Variants in LIMCH1 observed in about 807,000 individuals in gnomAD.
LIMCH1 encodes LIM and calponin homology domains 1.
In LIMCH1, 113 loss-of-function variants were observed where a neutral mutation model predicts 176.5. The ratio of observed to expected loss-of-function variants is 0.64; its 90% CI spans 0.55 to 0.75. The LOEUF (loss-of-function observed/expected upper bound fraction) is 0.75. Ranked by LOEUF, LIMCH1 falls within the 30% of genes least tolerant of loss-of-function variation. The pLI, the probability that LIMCH1 is intolerant of heterozygous loss-of-function variation, is 0.00. For synonymous variants in LIMCH1, 619 were observed against 645.9 expected (o/e 0.96, Z 0.63); for missense variants, 1,674 against 1,814.9 (o/e 0.92, Z 1.41).
At chr4:41,690,218 T>C (rs1724406808) in intron 30 of LIMCH1, among the ~76,000 whole-genome samples, 1 of 152,228 alleles carries the variant, frequency 6.6e-6, no homozygotes, top group Non-Finnish European at 1.5e-5. Context: ...TATTGGATTA[T>C]TTAAATATTA....
intron 22 of LIMCH1, among the ~76,000 whole-genome samples, chr4:41,672,878 C>G (rs2095097930): frequency 6.6e-6 from 1 of 152,204 alleles, no homozygotes; most frequent in Non-Finnish European, 1.5e-5. Flanking sequence ...TATAACTTCT[C>G]TGACCCTCAT....
Position 41,613,517 on chromosome 4 carries a change from A to G in LIMCH1, c.61A>G (p.Ile21Val), listed in dbSNP as rs750479892. The G allele has an allele frequency of 3.7e-6, 6 of 1,614,080 alleles. No individual in the cohort carries two copies. Among genetic ancestry groups the G allele is most frequent in the Middle Eastern group, 1.6e-4 (1 of 6,062 alleles). ...PKRSIRDSGYIDCWDSERSDS... is the reference protein window; with the variant it reads ...PKRSIRDSGYVDCWDSERSDS... ...ACGCAGTATCCGAGACAGTGGCTAC[A>G]TCGACTGCTGGGATTCCGAGCGCAG... Residue 21 changes from isoleucine (I) to valine (V), a missense_variant, in exon 5 of 32, where the codon ATC (isoleucine) becomes GTC (valine). By Grantham distance (29) the Ile-to-Val change is conservative (BLOSUM62 3). This residue lies in a region of LIMCH1 where 655 missense variants were observed against 692.2 expected (regional missense o/e 0.95). Coordinates refer to ENST00000503057, the MANE Select transcript of LIMCH1 (RefSeq NM_001330672.2).
At chr4:41,640,601 A>T (rs986879384) in intron 14 of LIMCH1, among the ~76,000 whole-genome samples, 7 of 152,232 alleles carry the variant, frequency 4.6e-5, no homozygotes, top group African/African-American at 1.4e-4. Flanking sequence ...CAAAGTGCTG[A>T]GTTTCCTGCT....
intron 17 of LIMCH1, 122 bp downstream of exon 17, chr4:41,647,015 T>C: frequency 1.1e-6 from 1 of 943,996 alleles, no homozygotes; most frequent in East Asian, 2.5e-5. Flanking sequence ...TGTTGACATT[T>C]ACAGCTGTGA....
intron 1 of LIMCH1, among the ~76,000 whole-genome samples, chr4:41,540,381 A>T (rs1372100446): frequency 3.9e-5 from 6 of 152,212 alleles, no homozygotes; most frequent in African/African-American, 7.2e-5. Context: ...ATATTTCCCT[A>T]AAATCATGAT....
chr4:41,545,115 T>C (rs1327252294), intron 1 of LIMCH1, among the ~76,000 whole-genome samples: 1 of 152,226 alleles, frequency 6.6e-6, no homozygotes, highest in Non-Finnish European at 1.5e-5. Flanking sequence ...ACAGATTCTG[T>C]TCTTTGTACT....
chr4:41,650,751 A>G, intron 18 of LIMCH1, 143 bp downstream of exon 18: 1 of 703,480 alleles, frequency 1.4e-6, no homozygotes, highest in Non-Finnish European at 2.3e-6. Context: ...AAGTACCACA[A>G]ACTCAGTGGC....
At chr4:41,411,645 A>G (rs772487281) in intron 1 of LIMCH1, among the ~76,000 whole-genome samples, 13 of 150,998 alleles carry the variant, frequency 8.6e-5, no homozygotes, top group Non-Finnish European at 1.6e-4. Context: ...CCATCTGCCA[A>G]TGGACTCAGC....
At chr4:41,537,251 TTG>T (rs1047734965), upstream of LIMCH1, among the ~76,000 whole-genome samples, 1 of 152,204 alleles carries the variant, frequency 6.6e-6, no homozygotes, top group African/African-American at 2.4e-5. Context: ...GTTGTAAACA[TTG>T]TGTTTTATAG....
At chr4:41,470,508 A>T (rs1451255220) in intron 1 of LIMCH1, among the ~76,000 whole-genome samples, 1 of 151,996 alleles carries the variant, frequency 6.6e-6, no homozygotes, top group East Asian at 1.9e-4. Flanking sequence ...ATCTCCAGCT[A>T]CTTCTTTTCT....
At chr4:41,363,054 G>A (rs1186537443) in intron 1 of LIMCH1, among the ~76,000 whole-genome samples, 1 of 152,166 alleles carries the variant, frequency 6.6e-6, no homozygotes, top group East Asian at 1.9e-4. Flanking sequence ...TTCAGGGAAA[G>A]GAGAGCTTCC....
intron 1 of LIMCH1, among the ~76,000 whole-genome samples, chr4:41,375,867 A>C (rs1443607429): frequency 6.6e-6 from 1 of 152,248 alleles, no homozygotes; most frequent in Non-Finnish European, 1.5e-5. Flanking sequence ...TTGAAAGCTC[A>C]CAGGTTACTT....
At chr4:41,683,753 T>G (rs1327343252) in intron 26 of LIMCH1, among the ~76,000 whole-genome samples, 1 of 152,220 alleles carries the variant, frequency 6.6e-6, no homozygotes, top group Non-Finnish European at 1.5e-5. Context: ...CTTGGATGAC[T>G]TTCCAGTTTA....
rs1731434447 is a variant in LIMCH1, at chr4:41,697,369, G to GT, written c.*184_*185insT. 4.9e-5 allele frequency: 25 copies of GT among 508,306 alleles called. No individual in the cohort carries two copies. Among genetic ancestry groups the GT allele is most frequent in the South Asian group, 2.8e-4 (9 of 31,702 alleles). The allele number at this position is 508,306 out of a possible 1,614,324, so 31.5% of individuals were successfully genotyped here. On this transcript the variant is annotated 3_prime_UTR_variant, in exon 32 of 32. Coordinates refer to ENST00000503057, the MANE Select transcript of LIMCH1 (RefSeq NM_001330672.2). ...TTATGTTTTTCCTGTTTATTGTTTT[G>GT]GTTTTTTTTTTTTTTTTGCATTTGC...
chr4:41,382,638 T>C (rs1312270847), intron 1 of LIMCH1, among the ~76,000 whole-genome samples: 6 of 152,172 alleles, frequency 3.9e-5, no homozygotes, highest in Non-Finnish European at 7.4e-5. Flanking sequence ...CTTGGTAACC[T>C]GTACATTGCT....
At chr4:41,594,314 G>A (rs939935413) in intron 1 of LIMCH1, among the ~76,000 whole-genome samples, 9 of 152,168 alleles carry the variant, frequency 5.9e-5, no homozygotes, top group African/African-American at 1.7e-4. Context: ...TTGCAAAGAT[G>A]TATGGGTTTG....
intron 2 of LIMCH1, among the ~76,000 whole-genome samples, chr4:41,500,027 G>A (rs1003263159): frequency 2.0e-5 from 3 of 152,168 alleles, no homozygotes; most frequent in African/African-American, 7.2e-5. Flanking sequence ...TTAAATCCAG[G>A]TTAGACAGTT....
In LIMCH1 at chr4:41,517,196, G is replaced by A. The variant is rs2075666484; in HGVS notation, c.168-7213G>A. 3.3e-5 allele frequency among the ~76,000 whole-genome samples: 5 copies of A among 152,150 alleles called. No homozygotes were observed. The South Asian group carries it at 1.0e-3, about 31-fold the overall frequency. ...CTAACTAGTAAATGTGGAGGAGAGA[G>A]AATGGAGAATTGTTTGAGAGGGTTT... is the stretch of plus-strand genomic sequence containing the variant. On this transcript the variant is annotated intron_variant, in intron 2 of 26. Transcript: ENST00000313860.
chr4:41,620,735 C>G, intron 7 of LIMCH1, 45 bp downstream of exon 7: 1 of 1,493,660 alleles, frequency 6.7e-7, no homozygotes, highest in South Asian at 1.3e-5. Flanking sequence ...TTCTGCATGC[C>G]TGGGGATTTG....
Sources: allele counts gnomAD v4.1 joint callset (sites outside exome capture counted in the v4.1 genomes callset), GRCh38; gene constraint gnomAD v4.1.1; regional missense constraint gnomAD v4.1.1; transcripts MANE v1.5; gene names NCBI Gene and HGNC (gene_info 2026-07-23, HGNC 2026-07-21).